WWOX: variants seen among roughly 807,000 people sequenced by gnomAD.
WWOX encodes the protein WW domain containing oxidoreductase.
WWOX carries 69 observed loss-of-function variants against 46.2 expected under a neutral mutation model. The observed-to-expected ratio is 1.49, with a 90% CI of 1.23 to 1.82. The LOEUF (loss-of-function observed/expected upper bound fraction) is 1.82. WWOX is among the 40% of genes most tolerant of loss of function. WWOX has a pLI of 0.00. For synonymous variants in WWOX, 359 were observed against 202.6 expected (o/e 1.77, Z -6.56); for missense variants, 919 against 542.6 (o/e 1.69, Z -6.89).
chr16:79,096,927 G>T (rs1488939727), intron 8 of WWOX, among the ~76,000 whole-genome samples: 1 of 152,162 alleles, frequency 6.6e-6, no homozygotes, highest in African/African-American at 2.4e-5. Context: ...AGGGTCGGGT[G>T]GGGACATCTG....
rs796429190 is a variant in WWOX at position 79,032,681 on chromosome 16, T to TAC, written c.1057-178911_1057-178910dup. 3.3e-3 allele frequency among the ~76,000 whole-genome samples: 460 copies of TAC among 139,104 alleles called. 10 individuals carry two copies. The South Asian group carries it at 0.046, about 14-fold the overall frequency. 91.3% of individuals were successfully genotyped at this position (139,104 alleles called of 152,430 possible). A position where few individuals can be genotyped will look rare whatever the true frequency, so the allele number is the denominator to read the frequency against. On this transcript the variant is annotated intron_variant, in intron 8 of 8. Transcript: ENST00000566780. ...ATTTACATATGTATATATATATATA[T>TAC]ACACACACACACACACATTTCAACT...
chr16:78,839,202 C>A (rs1046523944), intron 8 of WWOX, among the ~76,000 whole-genome samples: 1 of 152,132 alleles, frequency 6.6e-6, no homozygotes, highest in Non-Finnish European at 1.5e-5. Flanking sequence ...ATTCAAATCA[C>A]CCACGAGCCC....
chr16:78,337,109 G>A (rs532527188), intron 5 of WWOX, among the ~76,000 whole-genome samples: 1 of 152,144 alleles, frequency 6.6e-6, no homozygotes, highest in South Asian at 2.1e-4. Flanking sequence ...TAAGTAGCTG[G>A]TAACTCATAA....
intron 5 of WWOX, among the ~76,000 whole-genome samples, chr16:78,200,255 A>C (rs892779451): frequency 6.6e-6 from 1 of 151,566 alleles, no homozygotes; most frequent in Non-Finnish European, 1.5e-5. Flanking sequence ...CCGACTTCTG[A>C]TTTTCACGTG....
chr16:79,096,161 C>G (rs901426850), intron 8 of WWOX, among the ~76,000 whole-genome samples: 1 of 151,884 alleles, frequency 6.6e-6, no homozygotes, highest in Non-Finnish European at 1.5e-5. Flanking sequence ...AGCCACAGAG[C>G]CTGACCACAG....
At chr16:78,353,462 G>T (rs1283035735) in intron 5 of WWOX, among the ~76,000 whole-genome samples, 1 of 152,182 alleles carries the variant, frequency 6.6e-6, no homozygotes, top group Non-Finnish European at 1.5e-5. Context: ...TCCAGCAGCA[G>T]TGCCACTGTA....
At chr16:78,368,741 C>G (rs2081595933) in intron 5 of WWOX, among the ~76,000 whole-genome samples, 1 of 152,220 alleles carries the variant, frequency 6.6e-6, no homozygotes, top group Non-Finnish European at 1.5e-5. Context: ...CACGTGCAGT[C>G]TGCAACTTAG....
At chr16:78,853,871 G>A (rs545452812) in intron 8 of WWOX, among the ~76,000 whole-genome samples, 10 of 152,066 alleles carry the variant, frequency 6.6e-5, no homozygotes, top group Admixed American at 6.5e-4. Flanking sequence ...GATGCTGACT[G>A]TCTGTCTGTC....
At chr16:78,257,269 T>A (rs1005544422) in intron 5 of WWOX, among the ~76,000 whole-genome samples, 7 of 152,236 alleles carry the variant, frequency 4.6e-5, no homozygotes, top group Non-Finnish European at 7.4e-5. Flanking sequence ...GAAGGGGAAA[T>A]AAGGCCATGA....
At chr16:78,526,852 C>T (rs537605668) in intron 8 of WWOX, among the ~76,000 whole-genome samples, 4 of 152,260 alleles carry the variant, frequency 2.6e-5, no homozygotes, top group African/African-American at 9.6e-5. Flanking sequence ...GCCAGCCTGG[C>T]CTGGTCTGGC....
At chr16:79,120,166 C>T (rs1163686880) in intron 8 of WWOX, among the ~76,000 whole-genome samples, 4 of 152,204 alleles carry the variant, frequency 2.6e-5, no homozygotes, top group Admixed American at 2.0e-4. Flanking sequence ...CTGGATTTTC[C>T]ATACGGCCTG....
chr16:78,682,289 T>G (rs555585701), intron 8 of WWOX, among the ~76,000 whole-genome samples: 2 of 152,244 alleles, frequency 1.3e-5, no homozygotes, highest in South Asian at 4.1e-4. Flanking sequence ...CTTAATAGTT[T>G]AAAATACTTG....
intron 5 of WWOX, among the ~76,000 whole-genome samples, chr16:78,215,063 G>A (rs1400320008): frequency 6.6e-6 from 1 of 152,196 alleles, no homozygotes; most frequent in Non-Finnish European, 1.5e-5. Context: ...TTTGGTAGTA[G>A]ATGTAGGATA....
chr16:78,691,693 A>C (rs2047991576), intron 8 of WWOX, among the ~76,000 whole-genome samples: 2 of 152,150 alleles, frequency 1.3e-5, no homozygotes, highest in South Asian at 4.1e-4. Context: ...GGGCAACAGG[A>C]CAAGACCGTG....
intron 8 of WWOX, among the ~76,000 whole-genome samples, chr16:78,655,289 A>G (rs565655122): frequency 2.0e-5 from 3 of 152,298 alleles, no homozygotes; most frequent in African/African-American, 7.2e-5. Context: ...TTGATCACTT[A>G]GAGACAACAG....
intron 8 of WWOX, among the ~76,000 whole-genome samples, chr16:78,978,166 A>C (rs988889705): frequency 3.9e-5 from 6 of 152,212 alleles, no homozygotes; most frequent in Admixed American, 3.9e-4. Context: ...GGCATGTATC[A>C]GTACTTCATT....
chr16:78,444,960 A>T (rs575534571), intron 8 of WWOX, among the ~76,000 whole-genome samples: 1 of 152,174 alleles, frequency 6.6e-6, no homozygotes, highest in Non-Finnish European at 1.5e-5. Context: ...AGAAAACCCT[A>T]CAGGTACCAT....
intron 8 of WWOX, among the ~76,000 whole-genome samples, chr16:78,840,554 C>T (rs1291777676): frequency 6.6e-6 from 1 of 152,098 alleles, no homozygotes; most frequent in Non-Finnish European, 1.5e-5. Context: ...CAGCATTAAG[C>T]AGTATTGTTA....
intron 8 of WWOX, among the ~76,000 whole-genome samples, chr16:78,714,548 T>C (rs7192902): frequency 0.65 from 98,984 of 151,752 alleles, 33,126 homozygotes; most frequent in African/African-American, 0.81. Context: ...ATATCATGTC[T>C]TGGCAGCCAT....
Sources: gnomAD v4.1 joint callset for allele counts (sites outside exome capture counted in the v4.1 genomes callset) on GRCh38, gnomAD v4.1.1 for gene constraint, MANE v1.5 for transcripts, NCBI Gene and HGNC (gene_info 2026-07-23, HGNC 2026-07-21) for gene names.